The following WDPCP variants were observed in gnomAD, a reference collection of about 807,000 sequenced individuals.
The protein encoded by WDPCP is WD repeat-containing and planar cell polarity effector protein fritz homolog.
A neutral mutation model predicts 93.1 loss-of-function variants in WDPCP; 71 were observed. The observed-to-expected ratio is 0.76, with a 90% CI of 0.63 to 0.93. The LOEUF is 0.93. Among genes scored for constraint, WDPCP ranks in the 40% least tolerant of loss-of-function variants. The pLI, the probability that WDPCP is intolerant of heterozygous loss-of-function variation, is 0.00. For synonymous variants in WDPCP, 315 were observed against 315.0 expected, an observed-to-expected ratio of 1.00 and a Z score of 0.00; for missense variants, 844 against 887.4, an observed-to-expected ratio of 0.95 and a Z score of 0.62.
chr2:63,181,549 T>G (rs1674240887), intron 14 of WDPCP, among the ~76,000 whole-genome samples: 1 of 152,188 alleles, frequency 6.6e-6, no homozygotes, highest in African/African-American at 2.4e-5. Context: ...TACATTGATC[T>G]GTATGTCTAT....
chr2:63,805,268 A>G (rs1172895894), intron 2 of WDPCP, among the ~76,000 whole-genome samples: 1 of 152,190 alleles, frequency 6.6e-6, no homozygotes, highest in Non-Finnish European at 1.5e-5. Flanking sequence ...CACCCACTTA[A>G]TCTCATTTAA....
chr2:63,644,719 T>C (rs1417073638), intron 3 of WDPCP, among the ~76,000 whole-genome samples: 2 of 152,222 alleles, frequency 1.3e-5, no homozygotes, highest in Non-Finnish European at 2.9e-5. Context: ...TTTGGATTTT[T>C]TCATGGTTCA....
intron 14 of WDPCP, among the ~76,000 whole-genome samples, chr2:63,249,688 G>T (rs998207779): frequency 2.6e-5 from 4 of 152,182 alleles, no homozygotes; most frequent in Admixed American, 2.0e-4. Flanking sequence ...CACTCAGAGT[G>T]TGGAACTGAA....
chr2:63,504,037 AC>A (rs1039382772), intron 1 of WDPCP, among the ~76,000 whole-genome samples: 2 of 152,066 alleles, frequency 1.3e-5, no homozygotes, highest in African/African-American at 4.8e-5. Flanking sequence ...ACAGATTGCT[AC>A]CCACTCCTCT....
intron 15 of WDPCP, among the ~76,000 whole-genome samples, chr2:63,165,921 T>TTTTG (rs1301996482): frequency 6.6e-6 from 1 of 151,960 alleles, no homozygotes; most frequent in Non-Finnish European, 1.5e-5. Context: ...TACTACAGTT[T>TTTTG]TTTGTTTGTT....
intron 13 of WDPCP, among the ~76,000 whole-genome samples, chr2:63,290,270 A>G (rs912659489): frequency 6.6e-6 from 1 of 152,044 alleles, no homozygotes; most frequent in East Asian, 1.9e-4. Flanking sequence ...GCACCATAAT[A>G]TGCAATTTTA....
intron 2 of WDPCP, among the ~76,000 whole-genome samples, chr2:63,794,946 T>A (rs1407024389): frequency 1.3e-5 from 2 of 152,226 alleles, no homozygotes; most frequent in East Asian, 1.9e-4. Context: ...TAGGACAGGT[T>A]ATATGAACCT....
chr2:63,586,583 T>A (rs1245528725), intron 1 of WDPCP, among the ~76,000 whole-genome samples: 1 of 152,210 alleles, frequency 6.6e-6, no homozygotes, highest in East Asian at 1.9e-4. Flanking sequence ...TTACCAAACA[T>A]CTTCTCTTGC....
chr2:63,683,683 T>A (rs1279008187), intron 2 of WDPCP, among the ~76,000 whole-genome samples: 1 of 152,020 alleles, frequency 6.6e-6, no homozygotes, highest in African/African-American at 2.4e-5. Flanking sequence ...AACCCATCTC[T>A]ACTAAATATA....
intron 1 of WDPCP, among the ~76,000 whole-genome samples, chr2:63,558,787 C>A (rs1367799785): frequency 6.9e-6 from 1 of 144,890 alleles, no homozygotes; most frequent in African/African-American, 2.5e-5. Context: ...GAGGCAGCAA[C>A]AAATGGCCTA....
intron 17 of WDPCP, among the ~76,000 whole-genome samples, chr2:63,135,848 C>T (rs1670579825): frequency 6.6e-6 from 1 of 152,154 alleles, no homozygotes; most frequent in Admixed American, 6.5e-5. Flanking sequence ...GCTCCTGCCT[C>T]AGCCTTCTGA....
chr2:63,810,992 T>C (rs1038959947), intron 2 of WDPCP, among the ~76,000 whole-genome samples: 1 of 152,136 alleles, frequency 6.6e-6, no homozygotes, highest in Non-Finnish European at 1.5e-5. Context: ...ACCAGCAAAA[T>C]TGCCAAAGGC....
intron 2 of WDPCP, among the ~76,000 whole-genome samples, chr2:63,796,455 G>A (rs897908388): frequency 1.3e-5 from 2 of 152,336 alleles, no homozygotes; most frequent in Admixed American, 1.3e-4. Context: ...ATTGAAAGGG[G>A]CACTGCAGAG....
chr2:63,550,139 T>C (rs1196487915), intron 1 of WDPCP, among the ~76,000 whole-genome samples: 2 of 151,844 alleles, frequency 1.3e-5, no homozygotes, highest in African/African-American at 4.8e-5. Context: ...GCGTAGATTC[T>C]TTATCTCACA....
intron 9 of WDPCP, among the ~76,000 whole-genome samples, chr2:63,430,605 T>C (rs947835473): frequency 2.0e-5 from 3 of 152,200 alleles, no homozygotes; most frequent in African/African-American, 4.8e-5. Context: ...ACTGTTGGGC[T>C]GGGCGTGGTG....
chr2:63,473,931 C>T (rs1246073371), intron 6 of WDPCP, among the ~76,000 whole-genome samples: 1 of 151,980 alleles, frequency 6.6e-6, no homozygotes, highest in Non-Finnish European at 1.5e-5. Flanking sequence ...TTGAAGCCAC[C>T]TTATTTGAGT....
chr2:63,405,825 C>T (rs952483621), intron 9 of WDPCP, among the ~76,000 whole-genome samples: 2 of 151,510 alleles, frequency 1.3e-5, no homozygotes, highest in African/African-American at 4.9e-5. Flanking sequence ...GAAGGTCAGA[C>T]CCAGAAATAT....
chr2:63,795,593 GAAAGAAAGA>G, intron 2 of WDPCP, among the ~76,000 whole-genome samples: 1 of 151,188 alleles, frequency 6.6e-6, no homozygotes, highest in African/African-American at 2.4e-5. Context: ...AAGAAGGAAA[GAAAGAAAGA>G]AAAGAAAGAA....
intron 1 of WDPCP, among the ~76,000 whole-genome samples, chr2:63,562,589 CTGA>C (rs762715214): frequency 2.0e-5 from 3 of 152,162 alleles, no homozygotes; most frequent in Non-Finnish European, 4.4e-5. Context: ...ACAGAATCCA[CTGA>C]TGATTCTGCC....
Sources: gnomAD v4.1 joint callset for allele counts (sites outside exome capture counted in the v4.1 genomes callset) on GRCh38, gnomAD v4.1.1 for gene constraint, MANE v1.5 for transcripts, NCBI Gene and HGNC (gene_info 2026-07-23, HGNC 2026-07-21) for gene names.